SGIP1: variants seen among roughly 807,000 people sequenced by gnomAD.
SGIP1 encodes SH3-containing GRB2-like protein 3-interacting protein 1.
A neutral mutation model predicts 107.5 loss-of-function variants in SGIP1; 38 were observed. That is an observed-to-expected ratio of 0.35 (90% CI 0.27 to 0.46). The LOEUF is 0.46. Among genes scored for constraint, SGIP1 ranks in the 20% least tolerant of loss-of-function variants. The pLI is 1.00. For synonymous variants in SGIP1, 365 were observed against 366.1 expected, an observed-to-expected ratio of 1.00 and a Z score of 0.03; for missense variants, 929 against 1,019.5, an observed-to-expected ratio of 0.91 and a Z score of 1.21.
At chr1:66,660,911 T>G (rs1051313434) in intron 8 of SGIP1, among the ~76,000 whole-genome samples, 1 of 152,206 alleles carries the variant, frequency 6.6e-6, no homozygotes, top group Non-Finnish European at 1.5e-5. Context: ...GCGTACAACA[T>G]AGTAGCATCT....
At chr1:66,667,190 A>G (rs2082761191) in intron 8 of SGIP1, among the ~76,000 whole-genome samples, 1 of 151,910 alleles carries the variant, frequency 6.6e-6, no homozygotes, top group Non-Finnish European at 1.5e-5. Context: ...CCCCCCCCCA[A>G]ACTATCTGGA....
At position 66,637,838 on chromosome 1, in the gene SGIP1, TACACAC is replaced by T. The variant is rs1364505663; in HGVS notation, c.171+1825_171+1830del. On this transcript the variant is annotated intron_variant, in intron 4 of 24. Coordinates refer to ENST00000371037, the MANE Select transcript of SGIP1 (RefSeq NM_032291.4). ...ATGTATATATGTGTGTACATATACATACACACATATATACATACACACATACATACA... is the reference window on the plus strand; with the variant it reads ...ATGTATATATGTGTGTACATATACATATATATACATACACACATACATACA... 1.4e-4 allele frequency among the ~76,000 whole-genome samples: 21 copies of T among 150,188 alleles called. No homozygotes were observed. The South Asian group carries it at 4.0e-3, about 29-fold the overall frequency.
rs72669498 is a variant in SGIP1, at chr1:66,694,886, G to A, written c.1571-548G>A. The A allele has an allele frequency of 2.2e-3, 497 of 226,054 alleles. 2 individuals are homozygous for A. Among genetic ancestry groups the A allele is most frequent in the Admixed American group, 3.7e-3 (67 of 18,314 alleles). The allele number at this position is 226,054 out of a possible 1,614,324, so 14.0% of individuals were successfully genotyped here. ...TTTCTCTTTGATACATAGGTAAAGG[G>A]TGTTTTGTGTCTGGATGCCTAAGGT... On this transcript the variant is annotated intron_variant, in intron 17 of 24. Coordinates refer to ENST00000371037, the MANE Select transcript of SGIP1 (RefSeq NM_032291.4).
At chr1:66,670,274 G>A (rs1476077011) in intron 9 of SGIP1, among the ~76,000 whole-genome samples, 1 of 152,202 alleles carries the variant, frequency 6.6e-6, no homozygotes, top group Non-Finnish European at 1.5e-5. Context: ...ATAAGTTTAT[G>A]CTAAGGCATT....
At chr1:66,542,004 G>A (rs1030695393) in intron 1 of SGIP1, among the ~76,000 whole-genome samples, 2 of 152,100 alleles carry the variant, frequency 1.3e-5, no homozygotes, top group East Asian at 1.9e-4. Flanking sequence ...GAAAGAATAA[G>A]TACGGTAATC....
intron 21 of SGIP1, among the ~76,000 whole-genome samples, chr1:66,736,507 CGT>C (rs2094257947): frequency 1.2e-3 from 1 of 864 alleles, no homozygotes; most frequent in African/African-American, 2.6e-3. Context: ...TAATATATTG[CGT>C]ATTATATGTG....
At chr1:66,621,600 C>G (rs993496629) in intron 1 of SGIP1, among the ~76,000 whole-genome samples, 5 of 152,294 alleles carry the variant, frequency 3.3e-5, no homozygotes, top group African/African-American at 1.2e-4. Context: ...CAGCCATTCC[C>G]CTTTCCCACT....
At chr1:66,545,511 G>T (rs2056168982) in intron 1 of SGIP1, among the ~76,000 whole-genome samples, 1 of 152,148 alleles carries the variant, frequency 6.6e-6, no homozygotes, top group South Asian at 2.1e-4. Flanking sequence ...TCAGGAAAGT[G>T]GATGTGACGA....
intron 14 of SGIP1, among the ~76,000 whole-genome samples, 198 bp downstream of exon 14, chr1:66,679,950 T>A (rs1205870231): frequency 6.6e-6 from 1 of 152,234 alleles, no homozygotes; most frequent in Non-Finnish European, 1.5e-5. Flanking sequence ...CACAAAAAAG[T>A]AATAATTTCT....
At chr1:66,643,866 A>C (rs2077191294) in intron 7 of SGIP1, 147 bp downstream of exon 7, 67 of 645,372 alleles carry the variant, frequency 1.0e-4, no homozygotes, top group South Asian at 1.6e-4. Context: ...TAAGAAGCTC[A>C]TTCTAGCTTG....
At chr1:66,558,078 A>T (rs2058441024) in intron 1 of SGIP1, among the ~76,000 whole-genome samples, 1 of 152,082 alleles carries the variant, frequency 6.6e-6, no homozygotes, top group South Asian at 2.1e-4. Flanking sequence ...AATAACTGAT[A>T]TTTAGTATGA....
intron 18 of SGIP1, among the ~76,000 whole-genome samples, chr1:66,697,071 C>T (rs2091064414): frequency 6.6e-6 from 1 of 151,902 alleles, no homozygotes; most frequent in East Asian, 1.9e-4. Context: ...CTGGGCTCAA[C>T]AACAAAAAAA....
intron 18 of SGIP1, among the ~76,000 whole-genome samples, chr1:66,718,498 G>T (rs2093364105): frequency 6.6e-6 from 1 of 151,888 alleles, no homozygotes; most frequent in Non-Finnish European, 1.5e-5. Context: ...ATATTATCTT[G>T]GGCAAGTCAC....
intron 18 of SGIP1, among the ~76,000 whole-genome samples, chr1:66,698,759 A>T (rs551618840): frequency 6.6e-6 from 1 of 152,208 alleles, no homozygotes; most frequent in African/African-American, 2.4e-5. Context: ...AGGGCAAGAT[A>T]TTTTCATGAC....
intron 8 of SGIP1, among the ~76,000 whole-genome samples, chr1:66,662,912 A>T (rs1021915382): frequency 3.3e-5 from 5 of 152,214 alleles, no homozygotes; most frequent in African/African-American, 1.2e-4. Flanking sequence ...ATAACAGCAG[A>T]TAGAATTTAC....
chr1:66,550,461 C>A (rs1044763715), intron 1 of SGIP1, among the ~76,000 whole-genome samples: 2 of 152,022 alleles, frequency 1.3e-5, no homozygotes, highest in African/African-American at 4.8e-5. Context: ...ATAACTGCCC[C>A]AGAACAGCCC....
chr1:66,603,727 G>C (rs1448506572), intron 1 of SGIP1, among the ~76,000 whole-genome samples: 1 of 152,160 alleles, frequency 6.6e-6, no homozygotes, highest in Non-Finnish European at 1.5e-5. Flanking sequence ...GTTAGAAAAA[G>C]AGACCAATCT....
Position 66,656,445 on chromosome 1 carries a change from G to A in SGIP1, c.460-4068G>A, listed in dbSNP as rs2079795650. Among the ~76,000 whole-genome samples the A allele has an allele frequency of 2.6e-5, 4 of 152,170 alleles. No individual in the cohort carries two copies. The South Asian group carries it at 8.3e-4, about 32-fold the overall frequency. On this transcript the variant is annotated intron_variant, in intron 7 of 24. Transcript: ENST00000371037. ...CAGCCATTTATATAATCAAGTATTT[G>A]TACTTAATAATACAGCAGCACAGGC...
intron 1 of SGIP1, among the ~76,000 whole-genome samples, chr1:66,596,541 G>C (rs2064748107): frequency 6.6e-6 from 1 of 151,960 alleles, no homozygotes; most frequent in Non-Finnish European, 1.5e-5. Context: ...GGTGGAAACA[G>C]ATCAGAGGAA....
Sources: gnomAD v4.1 joint callset for allele counts (sites outside exome capture counted in the v4.1 genomes callset) on GRCh38, gnomAD v4.1.1 for gene constraint, MANE v1.5 for transcripts, NCBI Gene and HGNC (gene_info 2026-07-23, HGNC 2026-07-21) for gene names.